C4orf50: variants seen among roughly 807,000 people sequenced by gnomAD.
The protein encoded by C4orf50 is chromosome 4 open reading frame 50, also known as uncharacterized protein C4orf50.
C4orf50 carries 80 observed loss-of-function variants against 77.2 expected under a neutral mutation model. That is an observed-to-expected ratio of 1.04 (90% CI 0.87 to 1.25). The LOEUF (loss-of-function observed/expected upper bound fraction) is 1.25. Among genes scored for constraint, C4orf50 ranks in the 50% most tolerant of loss-of-function variants. The pLI, the probability that C4orf50 is intolerant of heterozygous loss-of-function variation, is 0.00. For missense variants in C4orf50, 1,257 were observed against 1,152.9 expected (o/e 1.09, Z -1.31); for synonymous variants, 532 against 465.3 (o/e 1.14, Z -1.84).
At chr4:5,979,430 G>A (rs1037038017) in intron 29 of C4orf50, among the ~76,000 whole-genome samples, 4 of 152,322 alleles carry the variant, frequency 2.6e-5, no homozygotes, top group African/African-American at 9.6e-5. Context: ...ATGACAAAAT[G>A]AAGATGCAGC....
At chr4:5,922,953 A>G (rs1018176443) in intron 7 of C4orf50, among the ~76,000 whole-genome samples, 1 of 152,122 alleles carries the variant, frequency 6.6e-6, no homozygotes, top group Non-Finnish European at 1.5e-5. Context: ...GCTGCCCTAA[A>G]CTGTCATTAG....
intron 25 of C4orf50, among the ~76,000 whole-genome samples, chr4:5,996,144 C>A (rs1200876700): frequency 6.6e-6 from 1 of 152,248 alleles, no homozygotes. Context: ...CCAGCTTCCC[C>A]TCACAGCAAC....
intron 7 of C4orf50, among the ~76,000 whole-genome samples, chr4:5,948,388 G>T (rs187404451): frequency 1.5e-3 from 226 of 152,362 alleles, no homozygotes; most frequent in African/African-American, 4.8e-3. Context: ...GCCAGGGCTG[G>T]GCGTGGTGGC....
In C4orf50 at chr4:5,930,983, C is replaced by T. The variant is rs546545761; in HGVS notation, c.*2474+25918G>A. On this transcript the variant is annotated intron_variant, in intron 7 of 7. Coordinates refer to the C4orf50 transcript ENST00000324058. Reference sequence around the variant, plus strand: ...CCCGGCCAGGAGTGCACAAACGCCTCGTGCATAAATGAGCAAACAGTTCAG... The same window carrying T: ...CCCGGCCAGGAGTGCACAAACGCCTTGTGCATAAATGAGCAAACAGTTCAG... 3.3e-5 allele frequency among the ~76,000 whole-genome samples: 5 copies of T among 152,286 alleles called. No individual in the cohort carries two copies. The East Asian group carries it at 9.7e-4, about 29-fold the overall frequency.
At chr4:5,968,184 C>G (rs1175846342) in intron 31 of C4orf50, among the ~76,000 whole-genome samples, 2 of 152,222 alleles carry the variant, frequency 1.3e-5, no homozygotes, top group Admixed American at 6.5e-5. Flanking sequence ...TGAAAGGGCT[C>G]TGCTCTCTCT....
At chr4:5,922,267 C>G (rs758245022) in intron 7 of C4orf50, among the ~76,000 whole-genome samples, 1 of 152,164 alleles carries the variant, frequency 6.6e-6, no homozygotes, top group Non-Finnish European at 1.5e-5. Context: ...ATGGGCCCTC[C>G]CATCTCCTCA....
chr4:5,921,154 G>T (rs10008569), intron 7 of C4orf50, among the ~76,000 whole-genome samples: 4 of 152,106 alleles, frequency 2.6e-5, no homozygotes, highest in African/African-American at 9.6e-5. Flanking sequence ...GCCCTTCCAC[G>T]CTGAGGGAGG....
chr4:5,972,298 C>T (rs560436968), intron 31 of C4orf50, among the ~76,000 whole-genome samples: 6 of 152,126 alleles, frequency 3.9e-5, no homozygotes, highest in Non-Finnish European at 7.3e-5. Context: ...CCACCGCGCC[C>T]GGCCTGCTTT....
In C4orf50 at chr4:6,015,672, T is replaced by C. The variant is rs1722656794; in HGVS notation, c.287+2473A>G. Among the ~76,000 whole-genome samples the C allele has an allele frequency of 6.6e-6, 1 of 152,144 alleles. No homozygotes were observed. Among genetic ancestry groups the C allele is most frequent in the African/African-American group, 2.4e-5 (1 of 41,450 alleles). ...GGCCAGAAGTCGGAATCAGTCTTCCTGAGCTAGTCGAGCTGTCAGTGGAGC... is the reference window on the plus strand; with the variant it reads ...GGCCAGAAGTCGGAATCAGTCTTCCCGAGCTAGTCGAGCTGTCAGTGGAGC... On this transcript the variant is annotated intron_variant, in intron 23 of 33. Coordinates refer to ENST00000531445, the Ensembl canonical transcript of C4orf50. This position sits in a 1 kb window ranked among gnomAD's most constrained non-coding sequence, Gnocchi z 4.4.
chr4:6,014,667 C>T (rs1655561706), intron 23 of C4orf50, among the ~76,000 whole-genome samples: 1 of 152,146 alleles, frequency 6.6e-6, no homozygotes, highest in Admixed American at 6.5e-5. Flanking sequence ...TTTTAGCAGC[C>T]CTGGATCACT....
At chr4:5,921,092 G>C (rs1031338647) in intron 7 of C4orf50, among the ~76,000 whole-genome samples, 1 of 152,208 alleles carries the variant, frequency 6.6e-6, no homozygotes, top group Non-Finnish European at 1.5e-5. Flanking sequence ...GCTGGTCCAG[G>C]AAGAGCCAGG....
chr4:5,910,202 A>T (rs1236989745), intron 7 of C4orf50, among the ~76,000 whole-genome samples: 1 of 152,100 alleles, frequency 6.6e-6, no homozygotes, highest in Non-Finnish European at 1.5e-5. Context: ...ACATAAAAAA[A>T]CCCCAAGAGA....
At chr4:5,929,772 GGA>G (rs1218993775) in intron 7 of C4orf50, among the ~76,000 whole-genome samples, 1 of 152,200 alleles carries the variant, frequency 6.6e-6, no homozygotes, top group Non-Finnish European at 1.5e-5. Flanking sequence ...CATATAAATA[GGA>G]GAGAGTCAGA....
intron 7 of C4orf50, among the ~76,000 whole-genome samples, chr4:5,950,350 A>G (rs540030705): frequency 1.3e-3 from 201 of 152,324 alleles, no homozygotes; most frequent in Middle Eastern, 3.4e-3. Context: ...AAATGATATG[A>G]TATCTAGCTT....
intron 7 of C4orf50, among the ~76,000 whole-genome samples, chr4:5,944,286 G>A (rs768890303): frequency 2.0e-5 from 3 of 152,150 alleles, no homozygotes; most frequent in Non-Finnish European, 4.4e-5. Flanking sequence ...CATGAAGGCT[G>A]GAGGCCCCTT....
intron 7 of C4orf50, among the ~76,000 whole-genome samples, chr4:5,925,866 G>C (rs984316124): frequency 6.6e-6 from 1 of 152,180 alleles, no homozygotes; most frequent in Non-Finnish European, 1.5e-5. Flanking sequence ...TGGGAAGGGG[G>C]TCTTAAGGAC....
At chr4:5,948,309 T>C (rs927735773) in intron 7 of C4orf50, among the ~76,000 whole-genome samples, 3 of 152,216 alleles carry the variant, frequency 2.0e-5, no homozygotes, top group Admixed American at 1.3e-4. Context: ...ACACCTCGAA[T>C]TCGTAACTAA....
intron 7 of C4orf50, among the ~76,000 whole-genome samples, chr4:5,950,657 C>T (rs949121085): frequency 6.6e-6 from 1 of 152,040 alleles, no homozygotes; most frequent in Non-Finnish European, 1.5e-5. Flanking sequence ...TGACTGATAA[C>T]ATCCAATAGA....
exon 28 of C4orf50, chr4:5,989,202 G>T: frequency 6.5e-7 from 1 of 1,535,958 alleles, no homozygotes; most frequent in Non-Finnish European, 8.7e-7. Flanking sequence ...CTTGGTCTCC[G>T]TGAAGTTTGG....
Sources: allele counts gnomAD v4.1 joint callset (sites outside exome capture counted in the v4.1 genomes callset), GRCh38; gene constraint gnomAD v4.1.1; non-coding constraint Gnocchi (gnomAD v3.1); transcripts MANE v1.5; gene names NCBI Gene and HGNC (gene_info 2026-07-23, HGNC 2026-07-21).